TTC39C: variants seen among roughly 807,000 people sequenced by gnomAD.
The protein encoded by TTC39C is tetratricopeptide repeat protein 39C.
Under a neutral mutation model 76.3 loss-of-function variants are expected in TTC39C, and 33 were observed. The ratio of observed to expected loss-of-function variants is 0.43; its 90% CI spans 0.33 to 0.58. The LOEUF (loss-of-function observed/expected upper bound fraction) is 0.58, where lower values mean the gene tolerates loss of function less well. Ranked by LOEUF, TTC39C falls within the 20% of genes least tolerant of loss-of-function variation. The pLI, the probability that TTC39C is intolerant of heterozygous loss-of-function variation, is 0.04. For missense variants in TTC39C, 595 were observed against 701.4 expected (o/e 0.85, Z 1.71); for synonymous variants, 254 against 260.6 (o/e 0.97, Z 0.24).
intron 1 of TTC39C, among the ~76,000 whole-genome samples, chr18:24,049,704 G>C (rs2083925815): frequency 6.6e-6 from 1 of 152,184 alleles, no homozygotes; most frequent in African/African-American, 2.4e-5. Flanking sequence ...TGAGGAGAGA[G>C]GCAGGAGGTC....
intron 6 of TTC39C, among the ~76,000 whole-genome samples, chr18:24,091,481 G>A (rs1450605923): frequency 6.6e-6 from 1 of 152,122 alleles, no homozygotes; most frequent in Non-Finnish European, 1.5e-5. Context: ...GAATGAAGTT[G>A]GACCCTTATA....
Position 24,080,950 on chromosome 18 carries a change from G to A in TTC39C, c.815+11G>A, listed in dbSNP as rs1488935820. ...GGCCCCTTTAGCTACGTGAGTAGCT[G>A]TATTGCAATGCTTTGGTAGATAATA... On this transcript the variant is annotated intron_variant, in intron 5 of 13. Coordinates refer to ENST00000317571, the MANE Select transcript of TTC39C (RefSeq NM_001135993.2). 1.3e-6 allele frequency: 2 copies of A among 1,574,930 alleles called. No individual in the cohort carries two copies. Among genetic ancestry groups the A allele is most frequent in the Non-Finnish European group, 1.7e-6 (2 of 1,150,832 alleles).
rs563084215 is a variant in TTC39C at position 24,113,265 on chromosome 18, C to T, written c.985-1289C>T. On this transcript the variant is annotated intron_variant, in intron 6 of 13. Transcript: ENST00000317571. ...GGGCCTTGGTTAATGAGTCATTTGG[C>T]TTACAGTGTTCCCGAGTCACAGGCT... 5 of 354,282 alleles carry T rather than the reference C, an allele frequency of 1.4e-5. No homozygotes were observed. In the South Asian group the frequency reaches 2.2e-4, roughly 16 times the overall value. 21.9% of individuals were successfully genotyped at this position (354,282 alleles called of 1,614,324 possible).
Position 24,080,573 on chromosome 18 carries a change from T to A in TTC39C, c.461-12T>A. 1.3e-6 allele frequency: 2 copies of A among 1,553,092 alleles called. No individual in the cohort carries two copies. The highest frequency in any genetic ancestry group is 1.7e-6 in the Non-Finnish European group (2 of 1,147,490). The stretch of plus-strand genomic sequence containing the variant: ...GAATGTTTTTGAATCTTTTCTCCCC[T>A]TCTCTTTTTAGCTTATATCAAAGGT... On this transcript the variant is annotated splice_polypyrimidine_tract_variant and intron_variant, in intron 4 of 13. Transcript: ENST00000317571.
intron 4 of TTC39C, among the ~76,000 whole-genome samples, chr18:24,076,036 G>T (rs1402721081): frequency 4.6e-5 from 7 of 152,160 alleles, no homozygotes; most frequent in Non-Finnish European, 1.0e-4. Flanking sequence ...GAGTGCAGTG[G>T]CACAATCTTG....
intron 1 of TTC39C, among the ~76,000 whole-genome samples, chr18:24,015,666 C>T (rs566085666): frequency 2.0e-5 from 3 of 152,294 alleles, no homozygotes; most frequent in African/African-American, 4.8e-5. Context: ...TTCCTGATGT[C>T]TTTCAAGCAG....
intron 1 of TTC39C, 178 bp downstream of exon 1, chr18:24,015,216 C>T (rs973213821): frequency 5.6e-6 from 3 of 533,402 alleles, no homozygotes; most frequent in East Asian, 3.6e-5. Flanking sequence ...CACATCTCCT[C>T]GTCCACCCCC....
At chr18:24,028,922 C>T (rs1408734419) in intron 1 of TTC39C, among the ~76,000 whole-genome samples, 3 of 151,918 alleles carry the variant, frequency 2.0e-5, no homozygotes, top group Non-Finnish European at 2.9e-5. Context: ...GGGGTTTCAC[C>T]ATATTGATCA....
At chr18:24,019,199 A>T (rs2083491154) in intron 1 of TTC39C, among the ~76,000 whole-genome samples, 1 of 152,138 alleles carries the variant, frequency 6.6e-6, no homozygotes, top group Non-Finnish European at 1.5e-5. Flanking sequence ...TGCTGCCCTG[A>T]TGCTGAGCCT....
chr18:24,089,329 A>C (rs1167635953), intron 6 of TTC39C, among the ~76,000 whole-genome samples: 4 of 152,142 alleles, frequency 2.6e-5, no homozygotes, highest in Non-Finnish European at 5.9e-5. Context: ...TATTTATAGG[A>C]TCAGGAAAAA....
chr18:24,053,393 C>T (rs1247048826), intron 1 of TTC39C, among the ~76,000 whole-genome samples: 4 of 152,110 alleles, frequency 2.6e-5, no homozygotes, highest in African/African-American at 7.2e-5. Context: ...TCCTTCCTGT[C>T]GTAATATGAG....
intron 6 of TTC39C, among the ~76,000 whole-genome samples, chr18:24,087,853 C>A (rs149808360): frequency 2.0e-5 from 3 of 152,030 alleles, no homozygotes; most frequent in Non-Finnish European, 2.9e-5. Flanking sequence ...TGAGCCCATA[C>A]GTTGTGAATA....
rs556194151 is a variant in TTC39C at position 24,050,390 on chromosome 18, C to T, written c.168-13750C>T. On this transcript the variant is annotated intron_variant, in intron 1 of 13. Coordinates refer to ENST00000317571, the MANE Select transcript of TTC39C (RefSeq NM_001135993.2). ...TTCAAGGCCAGCTTGGACAACACGA[C>T]GGAATCCTGTCTCTACTAAAAATAC... Among the ~76,000 whole-genome samples, 11 of 151,284 alleles carry T rather than the reference C, an allele frequency of 7.3e-5. No individual in the cohort carries two copies. The East Asian group carries it at 7.8e-4, about 11-fold the overall frequency.
chr18:24,061,572 C>T (rs983596060), intron 1 of TTC39C, among the ~76,000 whole-genome samples: 1 of 117,562 alleles, frequency 8.5e-6, no homozygotes. Context: ...AGTAAGTTAA[C>T]TTAGGATCAC....
At chr18:24,035,307 C>A (rs553544845) in intron 1 of TTC39C, among the ~76,000 whole-genome samples, 13 of 152,206 alleles carry the variant, frequency 8.5e-5, no homozygotes, top group Non-Finnish European at 1.8e-4. Context: ...CAAAACACTG[C>A]GATTACAAAT....
chr18:24,059,780 A>G (rs1487076347), intron 1 of TTC39C, among the ~76,000 whole-genome samples: 1 of 152,160 alleles, frequency 6.6e-6, no homozygotes, highest in Non-Finnish European at 1.5e-5. Flanking sequence ...CGCTGCTGAT[A>G]AAGATATACC....
chr18:24,094,865 T>C (rs1293114570), intron 6 of TTC39C, among the ~76,000 whole-genome samples: 1 of 152,218 alleles, frequency 6.6e-6, no homozygotes, highest in East Asian at 1.9e-4. Context: ...ATTTTCAAAA[T>C]GTTAAGTGAG....
intron 6 of TTC39C, among the ~76,000 whole-genome samples, chr18:24,090,234 T>G (rs1388507485): frequency 6.6e-6 from 1 of 152,216 alleles, no homozygotes; most frequent in Non-Finnish European, 1.5e-5. Flanking sequence ...TATATATTTT[T>G]AGCTCCTTAT....
chr18:24,023,525 C>T (rs2083540929), intron 1 of TTC39C, among the ~76,000 whole-genome samples: 1 of 152,212 alleles, frequency 6.6e-6, no homozygotes, highest in African/African-American at 2.4e-5. Flanking sequence ...GTTCTCTACT[C>T]AGTGTTGTGT....
Sources: allele counts gnomAD v4.1 joint callset (sites outside exome capture counted in the v4.1 genomes callset), GRCh38; gene constraint gnomAD v4.1.1; transcripts MANE v1.5; gene names NCBI Gene and HGNC (gene_info 2026-07-23, HGNC 2026-07-21).